Variants in DCLK2 observed in about 807,000 individuals in gnomAD.
DCLK2 encodes the protein serine/threonine-protein kinase DCLK2.
DCLK2 carries 31 observed loss-of-function variants against 78.4 expected under a neutral mutation model. That is an observed-to-expected ratio of 0.40 (90% CI 0.30 to 0.53). The LOEUF is 0.53. DCLK2 is among the 20% of genes least tolerant of loss of function. The pLI, the probability that DCLK2 is intolerant of heterozygous loss-of-function variation, is 0.61. For synonymous variants in DCLK2, 407 were observed against 374.9 expected (o/e 1.09, Z -0.99); for missense variants, 872 against 973.7 (o/e 0.90, Z 1.39).
chr4:150,230,363 C>T (rs1033175519), intron 8 of DCLK2, among the ~76,000 whole-genome samples: 2 of 152,034 alleles, frequency 1.3e-5, no homozygotes, highest in African/African-American at 2.4e-5. Flanking sequence ...TCTTGGGGTA[C>T]TGGTGAGGGG....
In DCLK2 at chr4:150,256,198, C is replaced by T. The variant is rs757522903; in HGVS notation, c.2252C>T (p.Ala751Val). ...PESPTPHPPP[A>V]APGGERAGTW... ...TCTCCCACCCCCCACCCTCCTCCCG[C>T]TGCCCCGGGTGGTGAGCGGGCAGGA... Residue 751 changes from alanine (A) to valine (V), a missense_variant, in exon 16 of 16, where the codon GCT becomes GTT. Ala to Val is a moderately conservative substitution (Grantham distance 64). Coordinates refer to ENST00000296550, the MANE Select transcript of DCLK2 (RefSeq NM_001040260.4). 6.5e-7 allele frequency: 1 copy of T among 1,545,574 alleles called. No individual in the cohort carries two copies. Among genetic ancestry groups the T allele is most frequent in the Non-Finnish European group, 8.7e-7 (1 of 1,146,682 alleles).
At chr4:150,149,037 C>CAAAAAAAAA (rs11407877) in intron 2 of DCLK2, among the ~76,000 whole-genome samples, 2 of 104,712 alleles carry the variant, frequency 1.9e-5, no homozygotes, top group African/African-American at 3.8e-5. Context: ...CAGACTGTCT[C>CAAAAAAAAA]AAAAAAAAAA....
chr4:150,121,095 T>C (rs922387219), intron 2 of DCLK2, among the ~76,000 whole-genome samples: 1 of 152,096 alleles, frequency 6.6e-6, no homozygotes, highest in Non-Finnish European at 1.5e-5. Context: ...GACAATCATC[T>C]GAGCCTTCAA....
chr4:150,203,344 G>T (rs1398967671), intron 4 of DCLK2, among the ~76,000 whole-genome samples: 1 of 152,172 alleles, frequency 6.6e-6, no homozygotes, highest in Non-Finnish European at 1.5e-5. Flanking sequence ...TGGTGTACTT[G>T]ATTTGGGAGA....
Position 150,239,828 on chromosome 4 carries a change from C to T in DCLK2, c.1653C>T (p.Val551=). ...TGGTAGAAGGCCCTTTATACACAGT[C>T]TGTGGCACACCCACTTATGTGGCTC... ...ATVVEGPLYT[V]CGTPTYVAPE... Residue 551 remains valine, a synonymous_variant, in exon 11 of 16, where the codon GTC becomes GTT. Transcript: ENST00000296550. The T allele has an allele frequency of 6.2e-7, 1 of 1,614,236 alleles. No individual in the cohort carries two copies. The highest frequency in any genetic ancestry group is 8.5e-7 in the Non-Finnish European group (1 of 1,180,044).
Position 150,187,999 on chromosome 4 carries a change from C to T in DCLK2, c.757-5139C>T, listed in dbSNP as rs370963807. On this transcript the variant is annotated intron_variant, in intron 2 of 15. Transcript: ENST00000296550. ...TACTTTTAGTAGAGACGGGGTTTCG[C>T]CATGTTGGCTAGGATGGTCTTGAGC... 2.0e-5 allele frequency among the ~76,000 whole-genome samples: 3 copies of T among 152,136 alleles called. No homozygotes were observed. The East Asian group carries it at 5.8e-4, about 29-fold the overall frequency.
intron 2 of DCLK2, among the ~76,000 whole-genome samples, chr4:150,111,238 A>T (rs1731672761): frequency 1.3e-5 from 2 of 152,050 alleles, no homozygotes; most frequent in Admixed American, 1.3e-4. Context: ...CAGATGATTA[A>T]TGATGTGGAG....
In DCLK2 at chr4:150,249,485, C is replaced by T. The variant is rs188519337; in HGVS notation, c.1957-83C>T. 46 of 1,136,082 alleles carry T rather than the reference C, an allele frequency of 4.0e-5. No homozygotes were observed. The East Asian group carries it at 7.3e-4, about 18-fold the overall frequency. The allele number at this position is 1,136,082 out of a possible 1,614,324, so 70.4% of individuals were successfully genotyped here. ...GAAGAGGTCAGGAGGGTGGTTGAGG[C>T]GGGGAGGGGGACTCTTAAGGAAAAG... On this transcript the variant is annotated intron_variant, in intron 14 of 15. Coordinates refer to ENST00000296550, the MANE Select transcript of DCLK2 (RefSeq NM_001040260.4).
chr4:150,156,691 T>C (rs922476594), intron 2 of DCLK2, among the ~76,000 whole-genome samples: 2 of 151,518 alleles, frequency 1.3e-5, no homozygotes, highest in African/African-American at 4.8e-5. Flanking sequence ...CATACACACA[T>C]GTCCACACAC....
At chr4:150,083,278 C>T (rs977382313) in intron 1 of DCLK2, among the ~76,000 whole-genome samples, 4 of 152,242 alleles carry the variant, frequency 2.6e-5, no homozygotes, top group Non-Finnish European at 5.9e-5. Context: ...CTGCCTCTCT[C>T]ATTCCAAAAT....
At chr4:150,131,187 T>C (rs888853694) in intron 2 of DCLK2, among the ~76,000 whole-genome samples, 1 of 152,108 alleles carries the variant, frequency 6.6e-6, no homozygotes, top group Non-Finnish European at 1.5e-5. Context: ...TGTGCCTGGC[T>C]TCATTTGATC....
chr4:150,164,536 C>T (rs1481487647), intron 2 of DCLK2, among the ~76,000 whole-genome samples: 5 of 152,214 alleles, frequency 3.3e-5, no homozygotes, highest in Non-Finnish European at 5.9e-5. Flanking sequence ...TGGTGGCTCA[C>T]ACCTGTAATC....
In DCLK2 at chr4:150,237,190, C is replaced by G. The variant is rs566460786; in HGVS notation, c.1567-2552C>G. Among the ~76,000 whole-genome samples, 3 of 152,122 alleles carry G rather than the reference C, an allele frequency of 2.0e-5. No individual in the cohort carries two copies. The East Asian group carries it at 5.8e-4, about 29-fold the overall frequency. On this transcript the variant is annotated intron_variant, in intron 10 of 15. Coordinates refer to ENST00000296550, the MANE Select transcript of DCLK2 (RefSeq NM_001040260.4). The stretch of plus-strand genomic sequence containing the variant: ...ATCACTGTAATTACTTAGGAAATTT[C>G]TTTCCAAAGTCTGGGTTTTGGTAAA...
At chr4:150,223,965 A>G (rs1164357944) in intron 7 of DCLK2, among the ~76,000 whole-genome samples, 2 of 146,044 alleles carry the variant, frequency 1.4e-5, no homozygotes, top group Non-Finnish European at 2.9e-5. Context: ...AAATATATTG[A>G]TAATAAAATT....
intron 2 of DCLK2, among the ~76,000 whole-genome samples, chr4:150,181,230 A>G (rs1737488257): frequency 6.6e-6 from 1 of 152,158 alleles, no homozygotes; most frequent in African/African-American, 2.4e-5. Context: ...AGGAGTGTCT[A>G]CCGTGATCCT....
At chr4:150,237,936 A>G (rs1447480496) in intron 10 of DCLK2, among the ~76,000 whole-genome samples, 1 of 147,868 alleles carries the variant, frequency 6.8e-6, no homozygotes, top group African/African-American at 2.7e-5. Context: ...CAAGAGACAA[A>G]TAGACTATAC....
chr4:150,110,160 A>G (rs1226827928), intron 2 of DCLK2, among the ~76,000 whole-genome samples: 4 of 152,178 alleles, frequency 2.6e-5, no homozygotes, highest in South Asian at 2.1e-4. Flanking sequence ...AAATTATGCA[A>G]TGTAAAGTGT....
intron 2 of DCLK2, among the ~76,000 whole-genome samples, chr4:150,183,741 T>TC (rs1196262904): frequency 6.6e-6 from 1 of 151,652 alleles, no homozygotes; most frequent in Non-Finnish European, 1.5e-5. Flanking sequence ...CTTTTTCTTT[T>TC]TTTTTTTTTG....
intron 2 of DCLK2, among the ~76,000 whole-genome samples, chr4:150,152,597 A>G (rs974251190): frequency 6.6e-6 from 1 of 152,126 alleles, no homozygotes; most frequent in Non-Finnish European, 1.5e-5. Flanking sequence ...TTTTAATTCC[A>G]TATTCAGAAT....
Sources: gnomAD v4.1 joint callset for allele counts (sites outside exome capture counted in the v4.1 genomes callset) on GRCh38, gnomAD v4.1.1 for gene constraint, MANE v1.5 for transcripts, NCBI Gene and HGNC (gene_info 2026-07-23, HGNC 2026-07-21) for gene names.